The following MEAK7 variants were observed in gnomAD, a reference collection of about 807,000 sequenced individuals.
MEAK7 encodes the protein MTOR-associated protein MEAK7.
Under a neutral mutation model 40.5 loss-of-function variants are expected in MEAK7, and 68 were observed. The observed-to-expected ratio is 1.68, with a 90% confidence interval of 1.38 to 2.06. The LOEUF (loss-of-function observed/expected upper bound fraction) is 2.06. Among genes scored for constraint, MEAK7 ranks in the 30% most tolerant of loss-of-function variants. The pLI is 0.00. For synonymous variants in MEAK7, 338 were observed against 231.9 expected, an observed-to-expected ratio of 1.46 and a Z score of -4.16; for missense variants, 918 against 580.5, an observed-to-expected ratio of 1.58 and a Z score of -5.98.
Position 84,498,115 on chromosome 16 carries a change from C to A in MEAK7, c.-25-4G>T. ...TCCTGATATCTGGCAGAATTCTCTG[C>A]AGAAGGAAAAGACACAACATTAGAA... On this transcript the variant is annotated splice_region_variant and splice_polypyrimidine_tract_variant and intron_variant, in intron 1 of 7. Coordinates refer to ENST00000343629, the MANE Select transcript of MEAK7 (RefSeq NM_020947.4). The A allele has an allele frequency of 3.9e-6, 6 of 1,556,968 alleles. No homozygotes were observed. Among genetic ancestry groups the A allele is most frequent in the Non-Finnish European group, 5.2e-6 (6 of 1,156,032 alleles).
intron 6 of MEAK7, among the ~76,000 whole-genome samples, chr16:84,481,245 C>A (rs1037554369): frequency 6.6e-6 from 1 of 152,222 alleles, no homozygotes; most frequent in African/African-American, 2.4e-5. Flanking sequence ...CCCTCAGTCA[C>A]ATGGCTGGGC....
rs531177116 is a variant in MEAK7, at chr16:84,489,395, C to T, written c.412G>A (p.Val138Met). The change falls in exon 4 of 8, where the codon GTG becomes ATG. Residue 138 changes from valine (V) to methionine (M), a missense_variant. Transcript: ENST00000343629. ...TCCTGTCTGTGGCTTAGCACGTGCACCACAGAGCCAACCAGATCCTCTGTA... is the reference window on the plus strand; with the variant it reads ...TCCTGTCTGTGGCTTAGCACGTGCATCACAGAGCCAACCAGATCCTCTGTA... ...KFTEDLVGSV[V>M]HVLSHRQELR... 1.3e-5 allele frequency: 21 copies of T among 1,613,576 alleles called. No homozygotes were observed. In the South Asian group the frequency reaches 1.8e-4, roughly 14 times the overall value.
intron 3 of MEAK7, among the ~76,000 whole-genome samples, chr16:84,490,160 T>C (rs1262851993): frequency 2.0e-5 from 3 of 152,188 alleles, no homozygotes; most frequent in Non-Finnish European, 4.4e-5. Flanking sequence ...CTGTTTTTAT[T>C]GTTTCAGTCT....
Position 84,498,072 on chromosome 16 carries a change from T to A in MEAK7, c.15A>T (p.Arg5Ser). 6.2e-7 allele frequency: 1 copy of A among 1,612,034 alleles called. No individual in the cohort carries two copies. The highest frequency in any genetic ancestry group is 8.5e-7 in the Non-Finnish European group (1 of 1,178,846). The change falls in exon 2 of 8, where the codon AGA becomes AGT. Residue 5 changes from arginine to serine, a missense_variant. By Grantham distance (110) the Arg-to-Ser change is moderately radical. Transcript: ENST00000343629. Reference protein sequence around the residue: MGNSRSRVGRSFCSQ... With the variant: MGNSSSRVGRSFCSQ... ...AACAAAAGCTCCGCCCCACACGGCT[T>A]CTGCTGTTCCCCATCTGTCCTGATA...
intron 3 of MEAK7, among the ~76,000 whole-genome samples, chr16:84,489,650 A>G (rs1346672874): frequency 6.6e-6 from 1 of 152,140 alleles, no homozygotes; most frequent in African/African-American, 2.4e-5. Context: ...TCCCAACAGT[A>G]TTGGGGTTTA....
intron 2 of MEAK7, chr16:84,497,099 T>C: frequency 5.9e-6 from 1 of 170,492 alleles, no homozygotes; most frequent in South Asian, 1.3e-4. Context: ...TCACCCAGGA[T>C]GGAGTGTGGT....
chr16:84,482,520 T>C lies in MEAK7; in HGVS notation c.1077+72A>G. 3 of 1,610,472 alleles carry C rather than the reference T, an allele frequency of 1.9e-6. No individual in the cohort carries two copies. In the South Asian group the frequency reaches 3.3e-5, roughly 18 times the overall value. Reference sequence around the variant, plus strand: ...CGCGCCCTGCCCTGATCTGTGGAGCTGAGCCTCGGGGTTGACACCTTTGCT... The same window carrying C: ...CGCGCCCTGCCCTGATCTGTGGAGCCGAGCCTCGGGGTTGACACCTTTGCT... On this transcript the variant is annotated intron_variant, in intron 6 of 7. Coordinates refer to ENST00000343629, the MANE Select transcript of MEAK7 (RefSeq NM_020947.4).
Position 84,479,842 on chromosome 16 carries a change from GA to G in MEAK7, c.*70del. ...TACAGTTAAACCATGTGGGAGGGAA[GA>G]GGGGCTGCAGGCGTTGCCCTCTACC... is the stretch of plus-strand genomic sequence containing the variant. On this transcript the variant is annotated 3_prime_UTR_variant, in exon 8 of 8. Transcript: ENST00000343629. 1 of 1,189,412 alleles carries G rather than the reference GA, an allele frequency of 8.4e-7. No homozygotes were observed. The highest frequency in any genetic ancestry group is 1.2e-6 in the Non-Finnish European group (1 of 848,246). 73.7% of individuals were successfully genotyped at this position (1,189,412 alleles called of 1,614,324 possible).
At chr16:84,497,894 T>TGC in intron 2 of MEAK7, 40 bp downstream of exon 2, 1 of 1,613,510 alleles carries the variant, frequency 6.2e-7, no homozygotes. Context: ...TGCAGACCCC[T>TGC]GCTCCCAACT....
intron 2 of MEAK7, chr16:84,497,728 G>A (rs945157512): frequency 3.6e-5 from 50 of 1,371,538 alleles, no homozygotes; most frequent in Non-Finnish European, 4.3e-5. Flanking sequence ...TTTTCACACA[G>A]TAACGGCAGA....
chr16:84,486,507 T>A (rs1913069045), intron 5 of MEAK7, 124 bp downstream of exon 5: 1 of 1,454,022 alleles, frequency 6.9e-7, no homozygotes. Context: ...TCGCCCCGAC[T>A]GCGTCTAGAG....
In MEAK7 at chr16:84,486,823, C is replaced by T. The variant is rs569045588; in HGVS notation, c.766G>A (p.Ala256Thr). ...TGCCGCTGCTCCCGAGGCAGCTGGG[C>T]GTTGATGTACATGACAGAGAGGACA... Reference protein sequence around the residue: ...LDVLSVMYINAQLPREQRHRW... With the variant: ...LDVLSVMYINTQLPREQRHRW... The change falls in exon 5 of 8, where the codon GCC becomes ACC. Residue 256 changes from alanine (A) to threonine (T), a missense_variant. By Grantham distance (58) the Ala-to-Thr change is moderately conservative (BLOSUM62 0). Transcript: ENST00000343629. 2.6e-5 allele frequency: 42 copies of T among 1,614,002 alleles called. No homozygotes were observed. Among genetic ancestry groups the T allele is most frequent in the South Asian group, 3.3e-5 (3 of 91,080 alleles).
rs763190021 is a variant in MEAK7 at position 84,482,677 on chromosome 16, G to A, written c.992C>T (p.Pro331Leu). ...DNRCFLFSIC[P>L]SMAVYTHTGY... ...CGTGTGTGTGTACACAGCCATGCTGGGGCAGATGGAGAACAGGAAGCATCT... is the reference window on the plus strand; with the variant it reads ...CGTGTGTGTGTACACAGCCATGCTGAGGCAGATGGAGAACAGGAAGCATCT... Residue 331 changes from proline (P) to leucine (L), a missense_variant, in exon 6 of 8, where the codon CCC (proline) becomes CTC (leucine). By Grantham distance (98) the Pro-to-Leu change is moderately conservative. Coordinates refer to ENST00000343629, the MANE Select transcript of MEAK7 (RefSeq NM_020947.4). 1 of 1,614,198 alleles carries A rather than the reference G, an allele frequency of 6.2e-7. No homozygotes were observed.
At chr16:84,481,803 G>A (rs771269622) in intron 6 of MEAK7, among the ~76,000 whole-genome samples, 19 of 152,230 alleles carry the variant, frequency 1.2e-4, no homozygotes, top group East Asian at 3.9e-4. Flanking sequence ...GCGTGATAGC[G>A]GGTGCCTGTG....
In MEAK7 at chr16:84,497,706, T is replaced by C; in HGVS notation, c.153+228A>G. Reference sequence around the variant, plus strand: ...AACGGGGAGGGATGCGTTTAGACACTGTCTATGGCTATTTTCACACAGTAA... The same window carrying C: ...AACGGGGAGGGATGCGTTTAGACACCGTCTATGGCTATTTTCACACAGTAA... On this transcript the variant is annotated intron_variant, in intron 2 of 7. Transcript: ENST00000343629. 9.9e-6 allele frequency: 14 copies of C among 1,418,460 alleles called. No homozygotes were observed. The South Asian group carries it at 1.5e-4, about 15-fold the overall frequency. The allele number at this position is 1,418,460 out of a possible 1,614,324, so 87.9% of individuals were successfully genotyped here. A position where few individuals can be genotyped will look rare whatever the true frequency, so the allele number is the denominator to read the frequency against.
At chr16:84,494,511 A>G (rs1266376379) in intron 3 of MEAK7, among the ~76,000 whole-genome samples, 2 of 152,210 alleles carry the variant, frequency 1.3e-5, no homozygotes, top group Non-Finnish European at 2.9e-5. Context: ...TGAGAACTAA[A>G]GCTAGACAAC....
intron 5 of MEAK7, among the ~76,000 whole-genome samples, chr16:84,485,686 C>T (rs66837561): frequency 0.41 from 61,967 of 152,066 alleles, 13,250 homozygotes; most frequent in South Asian, 0.59. Context: ...ATCTATCTAT[C>T]TATCTATCTA....
At position 84,504,590 on chromosome 16, in the gene MEAK7, C is replaced by T. The variant is rs1443347773; in HGVS notation, c.-26+11G>A. 4.1e-6 allele frequency: 4 copies of T among 985,654 alleles called. No individual in the cohort carries two copies. The highest frequency in any genetic ancestry group is 4.8e-6 in the Non-Finnish European group (4 of 830,188). The allele number at this position is 985,654 out of a possible 1,614,324, so 61.1% of individuals were successfully genotyped here. A position where few individuals can be genotyped will look rare whatever the true frequency, so the allele number is the denominator to read the frequency against. On this transcript the variant is annotated intron_variant, in intron 1 of 7. Transcript: ENST00000343629. ...GGTCAGCTCACTGCGAACCTCAGCC[C>T]AGGTACCTACCCTGCCGGGCTTCCT... is the stretch of plus-strand genomic sequence containing the variant.
Position 84,487,242 on chromosome 16 carries a change from G to C in MEAK7, c.530-183C>G, listed in dbSNP as rs377503201. 82 of 519,482 alleles carry C rather than the reference G, an allele frequency of 1.6e-4. 1 individual carries two copies. The South Asian group carries it at 2.7e-3, about 17-fold the overall frequency. 32.2% of individuals were successfully genotyped at this position (519,482 alleles called of 1,614,324 possible). ...AGGCACACTTGATTTCAAAGATTTG[G>C]TATGAAAAAAGAATGTAAAATATCT... On this transcript the variant is annotated intron_variant, in intron 4 of 7. Transcript: ENST00000343629.
Sources: allele counts gnomAD v4.1 joint callset (sites outside exome capture counted in the v4.1 genomes callset), GRCh38; gene constraint gnomAD v4.1.1; transcripts MANE v1.5; gene names NCBI Gene and HGNC (gene_info 2026-07-23, HGNC 2026-07-21).